The following SMYD3 variants were observed in gnomAD, a reference collection of about 807,000 sequenced individuals.
SMYD3 encodes SET and MYND domain containing 3.
In SMYD3, 36 loss-of-function variants were observed where a neutral mutation model predicts 57.7. The ratio of observed to expected loss-of-function variants is 0.62; its 90% CI spans 0.48 to 0.82. The LOEUF (loss-of-function observed/expected upper bound fraction) is 0.82. Among genes scored for constraint, SMYD3 ranks in the 40% least tolerant of loss-of-function variants. The pLI is 0.00. For missense variants in SMYD3, 515 were observed against 538.8 expected (o/e 0.96, Z 0.44); for synonymous variants, 211 against 195.0 (o/e 1.08, Z -0.68).
At chr1:246,054,199 G>A (rs2060109898) in intron 5 of SMYD3, among the ~76,000 whole-genome samples, 1 of 151,992 alleles carries the variant, frequency 6.6e-6, no homozygotes, top group Non-Finnish European at 1.5e-5. Flanking sequence ...TTAGAAATGG[G>A]AATTAAAACC....
At chr1:245,799,381 C>T (rs1272090717) in intron 10 of SMYD3, among the ~76,000 whole-genome samples, 1 of 144,854 alleles carries the variant, frequency 6.9e-6, no homozygotes, top group African/African-American at 2.6e-5. Flanking sequence ...TGTGTAGGAC[C>T]CCAAAAACTG....
chr1:245,969,010 C>T (rs1396670337), intron 5 of SMYD3, among the ~76,000 whole-genome samples: 1 of 152,172 alleles, frequency 6.6e-6, no homozygotes, highest in Admixed American at 6.5e-5. Flanking sequence ...CCTGTGGAGG[C>T]AACCTCTAAA....
At chr1:246,498,730 C>CAAA (rs1247516323) in intron 1 of SMYD3, among the ~76,000 whole-genome samples, 1 of 68,072 alleles carries the variant, frequency 1.5e-5, no homozygotes, top group African/African-American at 4.9e-5. Context: ...GACTCCGTCT[C>CAAA]AAAAAAAAAA....
At chr1:246,256,274 C>T (rs769985647) in intron 5 of SMYD3, among the ~76,000 whole-genome samples, 28 of 150,928 alleles carry the variant, frequency 1.9e-4, no homozygotes, top group Admixed American at 6.7e-4. Context: ...AGATGGTGCC[C>T]ACCAGATAAG....
At chr1:246,054,787 A>G (rs1449971488) in intron 5 of SMYD3, among the ~76,000 whole-genome samples, 1 of 151,470 alleles carries the variant, frequency 6.6e-6, no homozygotes, top group Non-Finnish European at 1.5e-5. Flanking sequence ...ATGCACATAA[A>G]AAGATACTTA....
intron 1 of SMYD3, among the ~76,000 whole-genome samples, chr1:246,374,097 G>A (rs535505870): frequency 2.0e-5 from 3 of 152,186 alleles, no homozygotes; most frequent in African/African-American, 7.2e-5. Context: ...CAGAACTCTT[G>A]ATTTCAGGGA....
chr1:246,334,882 C>G (rs1386142660), intron 3 of SMYD3, among the ~76,000 whole-genome samples: 1 of 152,172 alleles, frequency 6.6e-6, no homozygotes, highest in Non-Finnish European at 1.5e-5. Flanking sequence ...ATGGAACCTA[C>G]TCCTGGTGAA....
intron 5 of SMYD3, among the ~76,000 whole-genome samples, chr1:246,263,145 AG>A (rs1447356535): frequency 1.3e-5 from 2 of 152,246 alleles, no homozygotes; most frequent in Non-Finnish European, 2.9e-5. Flanking sequence ...CCATGAAAAA[AG>A]GTAAGTAATG....
intron 5 of SMYD3, among the ~76,000 whole-genome samples, chr1:246,268,676 C>G (rs770604374): frequency 1.1e-4 from 17 of 151,630 alleles, no homozygotes; most frequent in Non-Finnish European, 5.9e-5. Flanking sequence ...TGCACACCAG[C>G]CTGAGTGACA....
intron 1 of SMYD3, among the ~76,000 whole-genome samples, chr1:246,403,856 G>A (rs1182736905): frequency 2.0e-5 from 3 of 152,124 alleles, no homozygotes; most frequent in Non-Finnish European, 2.9e-5. Flanking sequence ...ATATATATCC[G>A]TGTTCAAGCA....
intron 8 of SMYD3, among the ~76,000 whole-genome samples, chr1:245,894,832 T>C (rs1044863369): frequency 1.3e-5 from 2 of 152,048 alleles, no homozygotes; most frequent in East Asian, 1.9e-4. Flanking sequence ...CCAAAGATGG[T>C]AGAAAAGAAT....
At chr1:246,035,091 C>T (rs1244016426) in intron 5 of SMYD3, 2 of 152,194 alleles carry the variant, frequency 1.3e-5, no homozygotes, top group East Asian at 3.8e-4. Context: ...AGGTCACTGC[C>T]TCAGGAGATA....
At chr1:246,348,324 G>A (rs986033624) in intron 2 of SMYD3, among the ~76,000 whole-genome samples, 4 of 151,798 alleles carry the variant, frequency 2.6e-5, no homozygotes, top group African/African-American at 9.7e-5. Flanking sequence ...GCTGAGGCAC[G>A]AGAATTACTT....
rs149338718 is a variant in SMYD3, at chr1:245,977,963, T to C, written c.532-48026A>G. ...TCCCATTTTACAGATAAAGAAGATG[T>C]GAAGCATATGGAGGCTAAGCCCCTC... On this transcript the variant is annotated intron_variant, in intron 5 of 11. Transcript: ENST00000490107. 1.0e-3 allele frequency among the ~76,000 whole-genome samples: 159 copies of C among 152,298 alleles called. 1 individual carries two copies. Among genetic ancestry groups the C allele is most frequent in the African/African-American group, 3.7e-3 (154 of 41,548 alleles).
At chr1:245,963,391 A>G (rs1205011994) in intron 5 of SMYD3, among the ~76,000 whole-genome samples, 1 of 152,184 alleles carries the variant, frequency 6.6e-6, no homozygotes, top group African/African-American at 2.4e-5. Context: ...TTACTACAAC[A>G]GAAACCTCCA....
intron 5 of SMYD3, among the ~76,000 whole-genome samples, chr1:246,254,167 G>A (rs1043442758): frequency 1.3e-5 from 2 of 152,264 alleles, no homozygotes; most frequent in South Asian, 2.1e-4. Flanking sequence ...GGTCCCACCA[G>A]TCAATTTTTA....
intron 8 of SMYD3, among the ~76,000 whole-genome samples, chr1:245,888,968 C>A (rs2053234532): frequency 6.6e-6 from 1 of 152,186 alleles, no homozygotes; most frequent in Non-Finnish European, 1.5e-5. Context: ...GCCACCAATT[C>A]CCCAGCTTCA....
chr1:246,231,046 T>C (rs2063401596), intron 5 of SMYD3, among the ~76,000 whole-genome samples: 1 of 152,216 alleles, frequency 6.6e-6, no homozygotes, highest in Non-Finnish European at 1.5e-5. Flanking sequence ...CTCTATTTTA[T>C]TCCAGAGAAT....
intron 5 of SMYD3, chr1:245,947,303 G>T: frequency 2.2e-6 from 1 of 449,446 alleles, no homozygotes; most frequent in Non-Finnish European, 4.5e-6. Context: ...TGAAGCCTTG[G>T]CACTCTGTCA....
Sources: allele counts gnomAD v4.1 joint callset (sites outside exome capture counted in the v4.1 genomes callset), GRCh38; gene constraint gnomAD v4.1.1; transcripts MANE v1.5; gene names NCBI Gene and HGNC (gene_info 2026-07-23, HGNC 2026-07-21).